The following PCDH15 variants were observed in gnomAD, a reference collection of about 807,000 sequenced individuals.
PCDH15 encodes protocadherin-15.
PCDH15 carries 129 observed loss-of-function variants against 178.5 expected under a neutral mutation model. The ratio of observed to expected loss-of-function variants is 0.72; its 90% CI spans 0.63 to 0.84. The LOEUF is 0.84. PCDH15 is among the 40% of genes least tolerant of loss of function. The pLI is 0.00. For synonymous variants in PCDH15, 800 were observed against 732.0 expected, an observed-to-expected ratio of 1.09 and a Z score of -1.50; for missense variants, 2,230 against 2,099.9, an observed-to-expected ratio of 1.06 and a Z score of -1.21.
chr10:55,328,641 G>A (rs541236293), intron 2 of PCDH15, among the ~76,000 whole-genome samples: 2 of 151,216 alleles, frequency 1.3e-5, no homozygotes, highest in East Asian at 3.9e-4. Context: ...TAAACTCTCA[G>A]TCAAAATTTT....
chr10:54,886,679 T>G (rs1274675264), intron 3 of PCDH15, among the ~76,000 whole-genome samples: 1 of 152,210 alleles, frequency 6.6e-6, no homozygotes, highest in African/African-American at 2.4e-5. Flanking sequence ...GGAGAATCGC[T>G]TGAACCCCGA....
chr10:54,597,431 G>A (rs758744993), intron 2 of PCDH15, among the ~76,000 whole-genome samples: 40 of 152,020 alleles, frequency 2.6e-4, no homozygotes, highest in Non-Finnish European at 2.8e-4. Flanking sequence ...CAGAATCTCT[G>A]GGACACAATT....
chr10:54,677,473 G>A (rs922671017), intron 1 of PCDH15, among the ~76,000 whole-genome samples: 1 of 152,106 alleles, frequency 6.6e-6, no homozygotes, highest in African/African-American at 2.4e-5. Flanking sequence ...GTGTGTGCAT[G>A]GCAGTGTGTG....
intron 3 of PCDH15, among the ~76,000 whole-genome samples, chr10:54,384,877 A>G (rs1949733324): frequency 6.6e-6 from 1 of 152,184 alleles, no homozygotes; most frequent in African/African-American, 2.4e-5. Context: ...TGAAAAGACA[A>G]CCCACATATT....
intron 15 of PCDH15, among the ~76,000 whole-genome samples, chr10:54,130,760 G>A (rs1473990050): frequency 2.0e-5 from 3 of 152,198 alleles, no homozygotes. Context: ...AAATTGAGCA[G>A]TGCGTCAGCT....
At chr10:55,393,290 A>G (rs1193837599) in intron 2 of PCDH15, among the ~76,000 whole-genome samples, 1 of 152,156 alleles carries the variant, frequency 6.6e-6, no homozygotes, top group African/African-American at 2.4e-5. Flanking sequence ...CCAATAATTC[A>G]TATTTCAAAC....
intron 1 of PCDH15, among the ~76,000 whole-genome samples, chr10:55,317,406 C>G (rs940976243): frequency 6.6e-6 from 1 of 152,040 alleles, no homozygotes; most frequent in African/African-American, 2.4e-5. Flanking sequence ...ACTATTCTTT[C>G]CCATGTGTTT....
intron 21 of PCDH15, among the ~76,000 whole-genome samples, chr10:53,985,495 TG>T (rs1308785024): frequency 6.6e-6 from 1 of 152,020 alleles, no homozygotes; most frequent in Non-Finnish European, 1.5e-5. Flanking sequence ...GAGGATGGGG[TG>T]GCAGGCTCTC....
At chr10:55,577,856 T>C (rs1336933837) in intron 2 of PCDH15, among the ~76,000 whole-genome samples, 1 of 152,154 alleles carries the variant, frequency 6.6e-6, no homozygotes, top group Non-Finnish European at 1.5e-5. Flanking sequence ...CTTTTCACAG[T>C]AGTAAATTAA....
intron 2 of PCDH15, among the ~76,000 whole-genome samples, chr10:55,560,498 A>C (rs568533806): frequency 8.6e-5 from 13 of 152,042 alleles, no homozygotes; most frequent in African/African-American, 2.9e-4. Flanking sequence ...TAACATACTG[A>C]GAAATTCTGA....
rs76108650 is a variant in PCDH15, at chr10:55,359,069, A to T, written c.-155-192418T>A. Among the ~76,000 whole-genome samples, 739 of 152,108 alleles carry T rather than the reference A, an allele frequency of 4.9e-3. 3 individuals are homozygous for T. Among genetic ancestry groups the T allele is most frequent in the African/African-American group, 0.016 (656 of 41,524 alleles). The stretch of plus-strand genomic sequence containing the variant: ...AAAATATAACTAGGCATAGTGGCAC[A>T]TGCCTGGAGTCCTAGCTCCTTGGGA... On this transcript the variant is annotated intron_variant, in intron 2 of 5. Coordinates refer to the PCDH15 transcript ENST00000613346.
chr10:55,050,151 A>G (rs1373243141), intron 2 of PCDH15, among the ~76,000 whole-genome samples: 3 of 152,038 alleles, frequency 2.0e-5, no homozygotes, highest in Non-Finnish European at 4.4e-5. Flanking sequence ...TCTCCAATGC[A>G]TGGATGTATT....
chr10:54,174,258 C>A (rs760972600), intron 13 of PCDH15, among the ~76,000 whole-genome samples: 10 of 151,984 alleles, frequency 6.6e-5, no homozygotes, highest in Non-Finnish European at 1.2e-4. Context: ...TAAGGCCGGG[C>A]GTGGTGGCTC....
intron 1 of PCDH15, among the ~76,000 whole-genome samples, chr10:54,749,749 TA>T (rs1489546599): frequency 6.6e-6 from 1 of 152,138 alleles, no homozygotes; most frequent in Non-Finnish European, 1.5e-5. Flanking sequence ...TTGACAAAGT[TA>T]AATATGTGGT....
intron 14 of PCDH15, among the ~76,000 whole-genome samples, chr10:54,145,751 A>C (rs560927358): frequency 7.2e-5 from 11 of 152,218 alleles, no homozygotes; most frequent in African/African-American, 2.4e-4. Flanking sequence ...AGTAAGAGTT[A>C]AGGTACAGAG....
chr10:55,529,007 T>C (rs1427585015), intron 2 of PCDH15, among the ~76,000 whole-genome samples: 4 of 152,168 alleles, frequency 2.6e-5, no homozygotes, highest in Non-Finnish European at 5.9e-5. Flanking sequence ...ATGTGTTTTT[T>C]GGCTGCATAA....
chr10:54,766,604 A>G (rs1047640413), intron 1 of PCDH15, among the ~76,000 whole-genome samples: 1 of 151,884 alleles, frequency 6.6e-6, no homozygotes, highest in African/African-American at 2.4e-5. Context: ...CTTTTTATAC[A>G]CTACAAATAG....
At chr10:54,898,390 T>A (rs1449529512) in intron 2 of PCDH15, among the ~76,000 whole-genome samples, 1 of 152,164 alleles carries the variant, frequency 6.6e-6, no homozygotes. Flanking sequence ...GTTATTTTCA[T>A]ATCTTGAAAA....
At chr10:54,521,381 C>A (rs2082846153) in intron 3 of PCDH15, among the ~76,000 whole-genome samples, 1 of 152,064 alleles carries the variant, frequency 6.6e-6, no homozygotes, top group South Asian at 2.1e-4. Flanking sequence ...TATTTTCTCA[C>A]AAATAATGCT....
Sources: gnomAD v4.1 joint callset for allele counts (sites outside exome capture counted in the v4.1 genomes callset) on GRCh38, gnomAD v4.1.1 for gene constraint, MANE v1.5 for transcripts, NCBI Gene and HGNC (gene_info 2026-07-23, HGNC 2026-07-21) for gene names.